The following SCAPER variants were observed in gnomAD, a reference collection of about 807,000 sequenced individuals.
SCAPER encodes S phase cyclin A-associated protein in the endoplasmic reticulum.
SCAPER carries 98 observed loss-of-function variants against 182.2 expected under a neutral mutation model. The observed-to-expected ratio is 0.54, with a 90% CI of 0.46 to 0.64. The LOEUF (loss-of-function observed/expected upper bound fraction) is 0.64, where lower values mean the gene tolerates loss of function less well. Among genes scored for constraint, SCAPER ranks in the 30% least tolerant of loss-of-function variants. SCAPER has a pLI of 0.00. For synonymous variants in SCAPER, 605 were observed against 564.6 expected (o/e 1.07, Z -1.01); for missense variants, 1,432 against 1,690.0 (o/e 0.85, Z 2.68).
intron 24 of SCAPER, among the ~76,000 whole-genome samples, chr15:76,475,329 T>C (rs556093592): frequency 9.3e-6 from 1 of 107,374 alleles, no homozygotes; most frequent in Admixed American, 1.0e-4. Flanking sequence ...AACACTAGCC[T>C]TTAATTTTTT....
rs1349809191 is a variant in SCAPER, at chr15:76,480,369, G to A, written c.2955-9034C>T. Among the ~76,000 whole-genome samples the A allele has an allele frequency of 2.0e-5, 3 of 152,178 alleles. No individual in the cohort carries two copies. The East Asian group carries it at 5.8e-4, about 29-fold the overall frequency. On this transcript the variant is annotated intron_variant, in intron 24 of 31. Transcript: ENST00000563290. ...TATGTGAAACTAGGGAGGTCTAACT[G>A]TGCTTAGAAGTCTAAGGCCTGAAGT...
chr15:76,652,252 C>T (rs1407576164), intron 21 of SCAPER, among the ~76,000 whole-genome samples: 41 of 16,812 alleles, frequency 2.4e-3, no homozygotes, highest in Middle Eastern at 0.059. Context: ...CGCTGTGTCT[C>T]TGCTAAAAAA....
chr15:76,894,037 G>A (rs982896506), intron 1 of SCAPER, among the ~76,000 whole-genome samples: 21 of 152,152 alleles, frequency 1.4e-4, no homozygotes, highest in Non-Finnish European at 1.8e-4. Flanking sequence ...GATCACCTGC[G>A]GTCAGGAGTT....
rs1001251198 is a variant in SCAPER, at chr15:76,820,762, GAAAA to G, written c.394-16133_394-16130del. On this transcript the variant is annotated intron_variant, in intron 5 of 31. Transcript: ENST00000563290. ...AATAATAATAAAATTTTTTAAAAAA[GAAAA>G]AAAAAACTCAACAATAAGAAAAATA... Among the ~76,000 whole-genome samples, 126 of 143,278 alleles carry G rather than the reference GAAAA, an allele frequency of 8.8e-4. 1 individual carries two copies. The highest frequency in any genetic ancestry group is 3.0e-3 in the African/African-American group (118 of 39,128). 94.0% of individuals were successfully genotyped at this position (143,278 alleles called of 152,430 possible). A position where few individuals can be genotyped will look rare whatever the true frequency, so the allele number is the denominator to read the frequency against.
At chr15:76,888,712 GA>G (rs2074000715) in intron 1 of SCAPER, among the ~76,000 whole-genome samples, 1 of 152,208 alleles carries the variant, frequency 6.6e-6, no homozygotes, top group African/African-American at 2.4e-5. Context: ...TGGTGTACCT[GA>G]AACTGATGGA....
chr15:76,824,007 C>G (rs2067785936), intron 5 of SCAPER, among the ~76,000 whole-genome samples: 1 of 152,052 alleles, frequency 6.6e-6, no homozygotes, highest in African/African-American at 2.4e-5. Context: ...GCTTACACAG[C>G]CTATTTCAAG....
Position 76,549,605 on chromosome 15 carries a change from G to A in SCAPER, c.2838+24553C>T, listed in dbSNP as rs564941548. Among the ~76,000 whole-genome samples, 9 of 152,294 alleles carry A rather than the reference G, an allele frequency of 5.9e-5. No individual in the cohort carries two copies. In the East Asian group the frequency reaches 1.7e-3, roughly 29 times the overall value. On this transcript the variant is annotated intron_variant, in intron 23 of 31. Coordinates refer to ENST00000563290, the MANE Select transcript of SCAPER (RefSeq NM_020843.4). ...CACTCTGGGGACTGTTGTGGGGTAG[G>A]GGGAAGGGGAGGGATAGCATTAGGA...
chr15:76,641,058 C>T (rs1471962578), intron 21 of SCAPER, among the ~76,000 whole-genome samples: 2 of 152,172 alleles, frequency 1.3e-5, no homozygotes, highest in Non-Finnish European at 2.9e-5. Context: ...TGCCATGGCT[C>T]TTCTAGGCCT....
chr15:76,832,750 TC>T (rs1329305313), intron 5 of SCAPER, among the ~76,000 whole-genome samples: 1 of 151,966 alleles, frequency 6.6e-6, no homozygotes, highest in Non-Finnish European at 1.5e-5. Flanking sequence ...GTGTGGCACC[TC>T]CCCCTCGCTC....
intron 23 of SCAPER, among the ~76,000 whole-genome samples, chr15:76,547,532 T>A (rs1159072257): frequency 6.6e-6 from 1 of 152,180 alleles, no homozygotes. Flanking sequence ...CCTTAATTAA[T>A]AGTGATTTCG....
intron 15 of SCAPER, among the ~76,000 whole-genome samples, chr15:76,747,996 C>CTT (rs71447121): frequency 4.1e-4 from 54 of 132,416 alleles, no homozygotes; most frequent in South Asian, 1.5e-3. Flanking sequence ...TTTTTTTTTC[C>CTT]TTTTTTTTTT....
intron 23 of SCAPER, among the ~76,000 whole-genome samples, chr15:76,566,845 T>C (rs2047070036): frequency 1.3e-5 from 2 of 151,994 alleles, no homozygotes; most frequent in South Asian, 4.1e-4. Context: ...TTATTAAACA[T>C]AAACATACAG....
chr15:76,504,767 T>C, intron 24 of SCAPER, 92 bp downstream of exon 24: 2 of 1,030,004 alleles, frequency 1.9e-6, no homozygotes, highest in Non-Finnish European at 2.8e-6. Context: ...TGAATACACA[T>C]ACAATTTTCT....
chr15:76,732,967 G>A (rs2061012312), intron 16 of SCAPER, among the ~76,000 whole-genome samples: 1 of 152,086 alleles, frequency 6.6e-6, no homozygotes. Flanking sequence ...ATTGGAGATG[G>A]CTCACACGCC....
chr15:76,876,016 G>A lies in SCAPER; in HGVS notation c.6+7796C>T, dbSNP rs536541058. ...GGCCCAGCGAGAAATCGAGCGCAGC[G>A]CCAGTCGGCCGGCACTGCTGGGGGA... On this transcript the variant is annotated intron_variant, in intron 2 of 31. Coordinates refer to ENST00000563290, the MANE Select transcript of SCAPER (RefSeq NM_020843.4). 2.7e-4 allele frequency among the ~76,000 whole-genome samples: 41 copies of A among 152,296 alleles called. 2 individuals are homozygous for A. The highest frequency in any genetic ancestry group is 6.5e-5 in the Admixed American group (1 of 15,308).
At position 76,765,119 on chromosome 15, in the gene SCAPER, T is replaced by G. The variant is rs759695370; in HGVS notation, c.1614-47A>C. On this transcript the variant is annotated intron_variant, in intron 13 of 31. Coordinates refer to ENST00000563290, the MANE Select transcript of SCAPER (RefSeq NM_020843.4). Reference sequence around the variant, plus strand: ...CAAGAGACATGAAATGTTTACATGATAAGGCCAGAAAAAGTGTTCTTTAGA... The same window carrying G: ...CAAGAGACATGAAATGTTTACATGAGAAGGCCAGAAAAAGTGTTCTTTAGA... 14 of 1,361,420 alleles carry G rather than the reference T, an allele frequency of 1.0e-5. No individual in the cohort carries two copies. In the Admixed American group the frequency reaches 3.1e-4, roughly 30 times the overall value. 84.3% of individuals were successfully genotyped at this position (1,361,420 alleles called of 1,614,324 possible). A position where few individuals can be genotyped will look rare whatever the true frequency, so the allele number is the denominator to read the frequency against.
At chr15:76,452,545 T>C (rs1428923925) in intron 25 of SCAPER, among the ~76,000 whole-genome samples, 2 of 152,254 alleles carry the variant, frequency 1.3e-5, no homozygotes, top group African/African-American at 2.4e-5. Context: ...TTCAGTGATA[T>C]AGCTAAACAG....
rs775650987 is a variant in SCAPER, at chr15:76,354,177, C to T, written c.3856-37G>A. ...GAGCAGCCCAGGTCAGCTGCCGAAA[C>T]GCCCCAGCCTGTCCCTCACCCACCT... On this transcript the variant is annotated intron_variant, in intron 29 of 31. Coordinates refer to ENST00000563290, the MANE Select transcript of SCAPER (RefSeq NM_020843.4). The surrounding 1 kb of genome is among the most constrained non-coding windows in gnomAD (Gnocchi z 4.4). The T allele has an allele frequency of 4.1e-5, 64 of 1,575,552 alleles. No homozygotes were observed. Among genetic ancestry groups the T allele is most frequent in the African/African-American group, 2.1e-4 (15 of 72,282 alleles).
chr15:76,777,631 T>C (rs1315013420), intron 8 of SCAPER, among the ~76,000 whole-genome samples: 1 of 151,964 alleles, frequency 6.6e-6, no homozygotes, highest in East Asian at 1.9e-4. Context: ...GATGTGGAGG[T>C]TGCAGTGAGC....
Sources: allele counts gnomAD v4.1 joint callset (sites outside exome capture counted in the v4.1 genomes callset), GRCh38; gene constraint gnomAD v4.1.1; non-coding constraint Gnocchi (gnomAD v3.1); transcripts MANE v1.5; gene names NCBI Gene and HGNC (gene_info 2026-07-23, HGNC 2026-07-21).